STK39: variants seen among roughly 807,000 people sequenced by gnomAD.
The protein encoded by STK39 is STE20/SPS1-related proline-alanine-rich protein kinase.
A neutral mutation model predicts 77.8 loss-of-function variants in STK39; 20 were observed. That is an observed-to-expected ratio of 0.26 (90% confidence interval 0.18 to 0.37). STK39 has a LOEUF of 0.37. STK39 is among the 10% of genes least tolerant of loss of function. STK39 has a pLI of 1.00. For missense variants in STK39, 479 were observed against 656.5 expected, an observed-to-expected ratio of 0.73 and a Z score of 2.95; for synonymous variants, 246 against 234.1, an observed-to-expected ratio of 1.05 and a Z score of -0.47.
chr2:168,137,968 C>A (rs1242446544), intron 8 of STK39, 120 bp downstream of exon 8: 15 of 1,377,472 alleles, frequency 1.1e-5, no homozygotes, highest in Non-Finnish European at 1.4e-5. Flanking sequence ...GGGACCACAG[C>A]AGGGTTTCCC....
In STK39 at chr2:167,987,672, T is replaced by A. The variant is rs900302658; in HGVS notation, c.1499-22946A>T. On this transcript the variant is annotated intron_variant, in intron 16 of 17. Coordinates refer to ENST00000355999, the MANE Select transcript of STK39 (RefSeq NM_013233.3). ...TAACAAAGACCATACTGTGCTAAGTTCAAAGACCAGGCCTGTACTAAGCCA... is the reference window on the plus strand; with the variant it reads ...TAACAAAGACCATACTGTGCTAAGTACAAAGACCAGGCCTGTACTAAGCCA... Among the ~76,000 whole-genome samples, 41 of 152,196 alleles carry A rather than the reference T, an allele frequency of 2.7e-4. 1 individual carries two copies. Among genetic ancestry groups the A allele is most frequent in the Non-Finnish European group, 8.8e-5 (6 of 67,976 alleles).
At chr2:167,994,467 C>T (rs1041437639) in intron 16 of STK39, among the ~76,000 whole-genome samples, 2 of 152,160 alleles carry the variant, frequency 1.3e-5, no homozygotes, top group Non-Finnish European at 2.9e-5. Flanking sequence ...ATAAAATCAA[C>T]TCTTTTAAGT....
chr2:167,967,198 A>T (rs185497760), intron 16 of STK39, among the ~76,000 whole-genome samples: 17 of 152,268 alleles, frequency 1.1e-4, no homozygotes, highest in African/African-American at 4.1e-4. Flanking sequence ...CTCATTTCAA[A>T]TCCCTCTTGG....
At chr2:168,221,317 G>T (rs967911473) in intron 1 of STK39, among the ~76,000 whole-genome samples, 4 of 152,172 alleles carry the variant, frequency 2.6e-5, no homozygotes, top group African/African-American at 9.7e-5. Flanking sequence ...TTACATACAA[G>T]CTAGAACATT....
intron 3 of STK39, among the ~76,000 whole-genome samples, chr2:168,166,299 A>G (rs1688691833): frequency 6.6e-6 from 1 of 152,222 alleles, no homozygotes; most frequent in African/African-American, 2.4e-5. Context: ...TGTTCAAAAA[A>G]GGCAACGGTT....
At chr2:168,203,212 G>A (rs921248210) in intron 1 of STK39, among the ~76,000 whole-genome samples, 1 of 152,074 alleles carries the variant, frequency 6.6e-6, no homozygotes, top group Non-Finnish European at 1.5e-5. Flanking sequence ...CCTCAGCTGA[G>A]GACCACAGCT....
At chr2:168,012,881 T>C (rs1198846139) in intron 15 of STK39, among the ~76,000 whole-genome samples, 179 bp from the exon 16 acceptor site, 2 of 152,232 alleles carry the variant, frequency 1.3e-5, no homozygotes. Flanking sequence ...CACGTGCCAT[T>C]TGCATCTTGC....
At chr2:168,172,407 T>G (rs1209040157) in intron 2 of STK39, among the ~76,000 whole-genome samples, 1 of 152,186 alleles carries the variant, frequency 6.6e-6, no homozygotes, top group Non-Finnish European at 1.5e-5. Context: ...ACCTCTACAT[T>G]GTCTCAACCC....
At chr2:167,965,025 C>T (rs935922999) in intron 16 of STK39, among the ~76,000 whole-genome samples, 1 of 151,962 alleles carries the variant, frequency 6.6e-6, no homozygotes, top group Non-Finnish European at 1.5e-5. Context: ...GATAGCAGCC[C>T]CCAGTGTTTC....
chr2:168,247,198 T>C, intron 1 of STK39, 30 bp downstream of exon 1: 3 of 1,166,736 alleles, frequency 2.6e-6, no homozygotes, highest in Non-Finnish European at 3.2e-6. Context: ...GCCCGGCCTG[T>C]GCCGGCCCCG....
At chr2:168,014,780 T>C (rs1381086003) in intron 15 of STK39, among the ~76,000 whole-genome samples, 1 of 152,208 alleles carries the variant, frequency 6.6e-6, no homozygotes, top group Non-Finnish European at 1.5e-5. Context: ...GTGTTACCCA[T>C]CACTTCTAAA....
intron 16 of STK39, among the ~76,000 whole-genome samples, chr2:167,987,344 T>C (rs1484751344): frequency 6.6e-6 from 1 of 152,148 alleles, no homozygotes; most frequent in Non-Finnish European, 1.5e-5. Context: ...AGGATGCATA[T>C]ACTCGGAAGC....
intron 1 of STK39, among the ~76,000 whole-genome samples, chr2:168,208,508 C>G (rs530477459): frequency 6.6e-6 from 1 of 152,174 alleles, no homozygotes; most frequent in Non-Finnish European, 1.5e-5. Flanking sequence ...CTGTACCCTC[C>G]GTAATTATGT....
intron 17 of STK39, among the ~76,000 whole-genome samples, chr2:167,961,583 T>TA (rs200972170): frequency 6.6e-6 from 1 of 151,160 alleles, no homozygotes; most frequent in Middle Eastern, 3.5e-3. Flanking sequence ...AAAACACTAC[T>TA]AAAAAAAAAT....
At position 168,243,118 on chromosome 2, in the gene STK39, T is replaced by C. The variant is rs1326776081; in HGVS notation, c.208+4110A>G. Among the ~76,000 whole-genome samples the C allele has an allele frequency of 2.0e-5, 3 of 152,094 alleles. No homozygotes were observed. The East Asian group carries it at 5.8e-4, about 29-fold the overall frequency. On this transcript the variant is annotated intron_variant, in intron 1 of 17. Transcript: ENST00000355999. ...AAAGGTCTGGGAGATCAGAACACAC[T>C]CAGTGCTCCGGCTCCCTTACCCTAG...
At chr2:167,993,444 T>C (rs1424803938) in intron 16 of STK39, among the ~76,000 whole-genome samples, 1 of 152,170 alleles carries the variant, frequency 6.6e-6, no homozygotes, top group Admixed American at 6.5e-5. Context: ...CCCAGCACTT[T>C]GGGAGGTCGA....
chr2:168,145,784 A>C lies in STK39; in HGVS notation c.629-5026T>G, dbSNP rs2105544562. 3.3e-5 allele frequency among the ~76,000 whole-genome samples: 5 copies of C among 152,234 alleles called. No individual in the cohort carries two copies. In the South Asian group the frequency reaches 1.0e-3, roughly 32 times the overall value. Reference sequence around the variant, plus strand: ...CCAGTGCTGGGGGGGTTCTGATAGCACTCGACTCAGGATGCCAGAGGCAGC... The same window carrying C: ...CCAGTGCTGGGGGGGTTCTGATAGCCCTCGACTCAGGATGCCAGAGGCAGC... On this transcript the variant is annotated intron_variant, in intron 5 of 17. Transcript: ENST00000355999.
intron 17 of STK39, among the ~76,000 whole-genome samples, chr2:167,957,915 C>T (rs1691831458): frequency 6.6e-6 from 1 of 152,190 alleles, no homozygotes; most frequent in Non-Finnish European, 1.5e-5. Flanking sequence ...CACCCTGGGT[C>T]CTCAGTGCCT....
chr2:168,180,879 C>G (rs768020186), intron 2 of STK39, among the ~76,000 whole-genome samples: 6 of 152,144 alleles, frequency 3.9e-5, no homozygotes, highest in Non-Finnish European at 8.8e-5. Context: ...CAATAAAACC[C>G]AATGAAATCT....
Sources: allele counts gnomAD v4.1 joint callset (sites outside exome capture counted in the v4.1 genomes callset), GRCh38; gene constraint gnomAD v4.1.1; transcripts MANE v1.5; gene names NCBI Gene and HGNC (gene_info 2026-07-23, HGNC 2026-07-21).